FAM114A2: variants seen among roughly 807,000 people sequenced by gnomAD.
FAM114A2 encodes the protein protein FAM114A2.
A neutral mutation model predicts 58.4 loss-of-function variants in FAM114A2; 53 were observed. The observed-to-expected ratio is 0.91, with a 90% CI of 0.73 to 1.14. FAM114A2 has a LOEUF of 1.14. FAM114A2 is among the 50% of genes most tolerant of loss of function. The pLI, the probability that FAM114A2 is intolerant of heterozygous loss-of-function variation, is 0.00. For missense variants in FAM114A2, 601 were observed against 581.1 expected, an observed-to-expected ratio of 1.03 and a Z score of -0.35; for synonymous variants, 228 against 211.4, an observed-to-expected ratio of 1.08 and a Z score of -0.68.
chr5:154,023,008 C>T (rs959020772), intron 8 of FAM114A2, among the ~76,000 whole-genome samples: 10 of 152,144 alleles, frequency 6.6e-5, no homozygotes, highest in African/African-American at 2.2e-4. Context: ...AAGCTGGAAA[C>T]CATCATTCTG....
intron 6 of FAM114A2, among the ~76,000 whole-genome samples, chr5:154,027,941 G>T (rs1346392554): frequency 6.6e-6 from 1 of 152,148 alleles, no homozygotes; most frequent in Non-Finnish European, 1.5e-5. Flanking sequence ...CTGATGGGAG[G>T]CTCCTGCAGA....
chr5:154,031,500 A>T (rs554981454), intron 4 of FAM114A2, among the ~76,000 whole-genome samples: 111 of 152,256 alleles, frequency 7.3e-4, no homozygotes, highest in African/African-American at 2.6e-3. Context: ...GTTGACTACA[A>T]GACACATCCT....
chr5:154,032,042 T>C (rs1253814157), intron 4 of FAM114A2, among the ~76,000 whole-genome samples: 1 of 152,208 alleles, frequency 6.6e-6, no homozygotes, highest in Admixed American at 6.5e-5. Flanking sequence ...AATACATAAT[T>C]GACTCTACCT....
At chr5:154,002,454 C>T in intron 10 of FAM114A2, 64 bp from the exon 11 acceptor site, 1 of 1,514,448 alleles carries the variant, frequency 6.6e-7, no homozygotes, top group Non-Finnish European at 9.1e-7. Context: ...TACCACCTTA[C>T]TTCTCTCATA....
At chr5:154,024,809 T>C (rs1366974255) in intron 8 of FAM114A2, among the ~76,000 whole-genome samples, 1 of 152,178 alleles carries the variant, frequency 6.6e-6, no homozygotes, top group Non-Finnish European at 1.5e-5. Flanking sequence ...ATGCAGACTT[T>C]CCAAATGCTG....
At chr5:154,016,409 C>A (rs1047032289) in intron 8 of FAM114A2, among the ~76,000 whole-genome samples, 1 of 152,172 alleles carries the variant, frequency 6.6e-6, no homozygotes, top group South Asian at 2.1e-4. Flanking sequence ...AGATTAACAG[C>A]AGATTTCTCA....
In FAM114A2 at chr5:153,991,035, T is replaced by A. The variant is rs1186251233; in HGVS notation, c.*1941A>T. ...AAGAGTAGACAATTGTTACTCAGAA[T>A]TGGGCCTTTCATCATTTCACTAGTG... On this transcript the variant is annotated 3_prime_UTR_variant, in exon 14 of 14. Coordinates refer to ENST00000351797, the MANE Select transcript of FAM114A2 (RefSeq NM_018691.4). 6.6e-6 allele frequency: 1 copy of A among 151,936 alleles called. No individual in the cohort carries two copies. Among genetic ancestry groups the A allele is most frequent in the South Asian group, 2.1e-4 (1 of 4,824 alleles). The allele number at this position is 151,936 out of a possible 1,614,324, so 9.4% of individuals were successfully genotyped here.
intron 12 of FAM114A2, among the ~76,000 whole-genome samples, chr5:153,996,991 T>TAAAAAAAAAAAAAAAAA (rs57110256): frequency 1.6e-5 from 2 of 121,298 alleles, no homozygotes; most frequent in Non-Finnish European, 3.4e-5. Context: ...GAGCAAAACT[T>TAAAAAAAAAAAAAAAAA]AAAAAAAAAA....
intron 9 of FAM114A2, among the ~76,000 whole-genome samples, chr5:154,009,545 A>G (rs1449267330): frequency 2.0e-5 from 3 of 152,208 alleles, no homozygotes; most frequent in Non-Finnish European, 4.4e-5. Context: ...GGATATTTGT[A>G]TGGTCTTACA....
rs181464965 is a variant in FAM114A2 at position 153,991,659 on chromosome 5, T to G, written c.*1317A>C. On this transcript the variant is annotated 3_prime_UTR_variant, in exon 14 of 14. Transcript: ENST00000351797. ...AAAGAAGATTACGTAGAAACAGTCT[T>G]TATACTAATCTATGTTATGGCTTTG... The G allele has an allele frequency of 7.9e-5, 12 of 152,202 alleles. No individual in the cohort carries two copies. In the East Asian group the frequency reaches 2.1e-3, roughly 27 times the overall value. The allele number at this position is 152,202 out of a possible 1,614,324, so 9.4% of individuals were successfully genotyped here. A position where few individuals can be genotyped will look rare whatever the true frequency, so the allele number is the denominator to read the frequency against.
At chr5:154,000,034 T>A (rs1011822034) in intron 11 of FAM114A2, among the ~76,000 whole-genome samples, 1 of 152,112 alleles carries the variant, frequency 6.6e-6, no homozygotes, top group African/African-American at 2.4e-5. Context: ...AAAAAAAATG[T>A]CATTTGCAGC....
intron 9 of FAM114A2, among the ~76,000 whole-genome samples, chr5:154,004,045 C>T (rs1375237937): frequency 1.3e-5 from 2 of 152,126 alleles, no homozygotes; most frequent in South Asian, 2.1e-4. Flanking sequence ...ATAGGTTAAA[C>T]GATATAGCCT....
intron 8 of FAM114A2, among the ~76,000 whole-genome samples, chr5:154,024,678 C>CA (rs1771664721): frequency 6.6e-6 from 1 of 152,084 alleles, no homozygotes; most frequent in Admixed American, 6.6e-5. Context: ...AAATTAGTTG[C>CA]AATGAACCAT....
At position 154,034,886 on chromosome 5, in the gene FAM114A2, T is replaced by G. The variant is rs778435091; in HGVS notation, c.68A>C (p.Asn23Thr). The change falls in exon 2 of 14, where the codon AAC (asparagine) becomes ACC (threonine). Residue 23 changes from asparagine to threonine, a missense_variant. Physicochemically the swap from Asn to Thr is moderately conservative, Grantham distance 65. Transcript: ENST00000351797. ...TEAAPILEDGNCEPAKNSESV... is the reference protein window; with the variant it reads ...TEAAPILEDGTCEPAKNSESV... Reference sequence around the variant, plus strand: ...CTCAGAATTCTTGGCTGGCTCACAGTTTCCATCTTCAAGGATGGGGGCTGC... The same window carrying G: ...CTCAGAATTCTTGGCTGGCTCACAGGTTCCATCTTCAAGGATGGGGGCTGC... The G allele has an allele frequency of 4.3e-6, 7 of 1,614,046 alleles. No homozygotes were observed. The South Asian group carries it at 7.7e-5, about 18-fold the overall frequency.
chr5:154,012,207 G>GATTCCAGA (rs1285159664), intron 8 of FAM114A2, among the ~76,000 whole-genome samples: 1 of 152,182 alleles, frequency 6.6e-6, no homozygotes, highest in Non-Finnish European at 1.5e-5. Context: ...AAGCAAAGGG[G>GATTCCAGA]ATTCCAGAAC....
chr5:154,013,269 CCTT>C (rs1252071166), intron 8 of FAM114A2, among the ~76,000 whole-genome samples: 1 of 152,118 alleles, frequency 6.6e-6, no homozygotes, highest in Non-Finnish European at 1.5e-5. Flanking sequence ...CTGGAAGACT[CCTT>C]CTGAAAAAAG....
At chr5:154,001,376 C>G (rs915570460) in intron 11 of FAM114A2, among the ~76,000 whole-genome samples, 1 of 152,076 alleles carries the variant, frequency 6.6e-6, no homozygotes, top group South Asian at 2.1e-4. Flanking sequence ...AGGGAGTGAA[C>G]CCCATTTCAA....
At position 153,997,874 on chromosome 5, in the gene FAM114A2, T is replaced by C. The variant is rs1381487164; in HGVS notation, c.1258A>G (p.Met420Val). Residue 420 changes from methionine (M) to valine (V), a missense_variant and splice_region_variant, in exon 12 of 14, where the codon ATG (methionine) becomes GTG (valine). Coordinates refer to ENST00000351797, the MANE Select transcript of FAM114A2 (RefSeq NM_018691.4). ...AACTCTTTACACAACACAATTGTCA[T>C]CCTAGGAAAGAAAGGAAAAGTCAGA... ...AIERSQTLSQ[M>V]TIVLCKELSS... is the part of the protein sequence containing the mutation. 6.3e-7 allele frequency: 1 copy of C among 1,578,600 alleles called. No homozygotes were observed. The highest frequency in any genetic ancestry group is 8.6e-7 in the Non-Finnish European group (1 of 1,156,722).
chr5:154,014,560 A>G (rs569656416), intron 8 of FAM114A2, among the ~76,000 whole-genome samples: 1 of 152,314 alleles, frequency 6.6e-6, no homozygotes, highest in African/African-American at 2.4e-5. Context: ...GGTCTAGATT[A>G]AAGGGAGATG....
Sources: allele counts gnomAD v4.1 joint callset (sites outside exome capture counted in the v4.1 genomes callset), GRCh38; gene constraint gnomAD v4.1.1; transcripts MANE v1.5; gene names NCBI Gene and HGNC (gene_info 2026-07-23, HGNC 2026-07-21).